The following IL2RA variants were observed in gnomAD, a reference collection of about 807,000 sequenced individuals.
The protein encoded by IL2RA is interleukin-2 receptor subunit alpha.
In IL2RA, 24 loss-of-function variants were observed where a neutral mutation model predicts 37.8. The ratio of observed to expected loss-of-function variants is 0.63; its 90% CI spans 0.46 to 0.89. The LOEUF is 0.89. IL2RA is among the 40% of genes least tolerant of loss of function. The pLI, the probability that IL2RA is intolerant of heterozygous loss-of-function variation, is 0.00. For missense variants in IL2RA, 319 were observed against 348.6 expected (o/e 0.92, Z 0.68); for synonymous variants, 125 against 114.6 (o/e 1.09, Z -0.58).
Position 6,035,324 on chromosome 10 carries a change from C to A in IL2RA, c.65-9299G>T, listed in dbSNP as rs556128003. 6.6e-6 allele frequency among the ~76,000 whole-genome samples: 1 copy of A among 152,314 alleles called. No individual in the cohort carries two copies. The highest frequency in any genetic ancestry group is 2.4e-5 in the African/African-American group (1 of 41,582). On this transcript the variant is annotated intron_variant, in intron 1 of 7. Transcript: ENST00000379959. This position sits in a 1 kb window ranked among gnomAD's most constrained non-coding sequence, Gnocchi z 5.4. ...GGCAGGGATGGAGAGTGAGGGCCTG[C>A]CTTCATGGCAGTAGGCTCTGAGTGG...
In IL2RA at chr10:6,048,147, G is replaced by A. The variant is rs900466044; in HGVS notation, c.64+13941C>T. Among the ~76,000 whole-genome samples, 10 of 152,226 alleles carry A rather than the reference G, an allele frequency of 6.6e-5. No homozygotes were observed. The highest frequency in any genetic ancestry group is 3.8e-4 in the East Asian group (2 of 5,206). On this transcript the variant is annotated intron_variant, in intron 1 of 7. Transcript: ENST00000379959. This position sits in a 1 kb window ranked among gnomAD's most constrained non-coding sequence, Gnocchi z 5.3. ...CCTCAACTGCCCTTGTCATGTGCCCGTCATGCATCACAGGAAGGCTGTCAT... is the reference window on the plus strand; with the variant it reads ...CCTCAACTGCCCTTGTCATGTGCCCATCATGCATCACAGGAAGGCTGTCAT...
intron 1 of IL2RA, among the ~76,000 whole-genome samples, chr10:6,037,232 G>A (rs1358759737): frequency 6.6e-6 from 1 of 152,146 alleles, no homozygotes; most frequent in Non-Finnish European, 1.5e-5. Context: ...AACGTTTGTC[G>A]GTTGAGTAAC....
chr10:6,059,820 C>T (rs1840096989), intron 1 of IL2RA, among the ~76,000 whole-genome samples: 1 of 152,124 alleles, frequency 6.6e-6, no homozygotes, highest in Non-Finnish European at 1.5e-5. Context: ...TCTGATAGCC[C>T]AACGCTCCGT....
chr10:6,051,221 C>T (rs571011908), intron 1 of IL2RA, among the ~76,000 whole-genome samples: 3 of 152,276 alleles, frequency 2.0e-5, no homozygotes, highest in Non-Finnish European at 2.9e-5. Flanking sequence ...GCAGGCTCTG[C>T]CTGGTTTCAT....
Position 6,024,254 on chromosome 10 carries a change from C to T in IL2RA, c.357G>A (p.Ala119=), listed in dbSNP as rs150164762. The part of the protein sequence containing the change: ...MQSPMQPVDQ[A]SLPGHCREPP... ...AGATTCATCTCTCACCTGGAAGGCTCGCTTGGTCCACTGGCTGCATTGGAC... is the reference window on the plus strand; with the variant it reads ...AGATTCATCTCTCACCTGGAAGGCTTGCTTGGTCCACTGGCTGCATTGGAC... Residue 119 remains alanine (A), a synonymous_variant, in exon 3 of 8, where the codon GCG becomes GCA. Transcript: ENST00000379959. The T allele has an allele frequency of 6.7e-5, 108 of 1,611,620 alleles. No homozygotes were observed. In the African/African-American group the frequency reaches 1.2e-3, roughly 18 times the overall value.
At position 6,057,954 on chromosome 10, in the gene IL2RA, C is replaced by T. The variant is rs186494994; in HGVS notation, c.64+4134G>A. ...CAGCCTGGCCAACTTGGTGAAACCCCGTCTCTACTAAAAATACAAAAATTA... is the reference window on the plus strand; with the variant it reads ...CAGCCTGGCCAACTTGGTGAAACCCTGTCTCTACTAAAAATACAAAAATTA... On this transcript the variant is annotated intron_variant, in intron 1 of 7. Coordinates refer to ENST00000379959, the MANE Select transcript of IL2RA (RefSeq NM_000417.3). The surrounding 1 kb of genome is among the most constrained non-coding windows in gnomAD (Gnocchi z 4.8). 2.0e-5 allele frequency among the ~76,000 whole-genome samples: 3 copies of T among 152,036 alleles called. No homozygotes were observed. The highest frequency in any genetic ancestry group is 4.4e-5 in the Non-Finnish European group (3 of 68,006).
chr10:6,043,096 G>T (rs1055591379), intron 1 of IL2RA, among the ~76,000 whole-genome samples: 3 of 152,096 alleles, frequency 2.0e-5, no homozygotes, highest in African/African-American at 7.2e-5. Context: ...GGAAAAATCA[G>T]ATACAATCTA....
intron 1 of IL2RA, among the ~76,000 whole-genome samples, chr10:6,059,978 A>G (rs1840099549): frequency 6.6e-6 from 1 of 152,102 alleles, no homozygotes; most frequent in South Asian, 2.1e-4. Context: ...GGGTATGGAT[A>G]GATGTTGAGA....
intron 7 of IL2RA, 73 bp downstream of exon 7, chr10:6,017,979 AG>A (rs1209372254): frequency 1.3e-5 from 14 of 1,051,714 alleles, no homozygotes; most frequent in South Asian, 2.7e-5. Context: ...TGGAGGGGGT[AG>A]GGGGGAGGCA....
chr10:6,026,102 T>A (rs1200319326), intron 1 of IL2RA, 77 bp from the exon 2 acceptor site: 3 of 1,400,572 alleles, frequency 2.1e-6, no homozygotes, highest in Non-Finnish European at 2.0e-6. Context: ...TATAATGACT[T>A]AATCACATAT....
rs776680112 is a variant in IL2RA at position 6,025,807 on chromosome 10, C to T, written c.256+27G>A. On this transcript the variant is annotated intron_variant, in intron 2 of 7. Coordinates refer to ENST00000379959, the MANE Select transcript of IL2RA (RefSeq NM_000417.3). The surrounding 1 kb of genome is among the most constrained non-coding windows in gnomAD (Gnocchi z 4.4). ...CACTCTTTGCTGCAGTTCTTTTGTT[C>T]TTGGTAGTCACAGAAGGGACACTTA... The T allele has an allele frequency of 6.2e-7, 1 of 1,610,224 alleles. No homozygotes were observed. Among genetic ancestry groups the T allele is most frequent in the Non-Finnish European group, 8.5e-7 (1 of 1,176,580 alleles).
rs867518079 is a variant in IL2RA, at chr10:6,059,874, T to C, written c.64+2214A>G. On this transcript the variant is annotated intron_variant, in intron 1 of 7. Coordinates refer to ENST00000379959, the MANE Select transcript of IL2RA (RefSeq NM_000417.3). ...ACTGGTATTACTATATTTATATCTA[T>C]GTTTTTCTCCTCCTCACCAGGTTAT... Among the ~76,000 whole-genome samples, 14 of 152,334 alleles carry C rather than the reference T, an allele frequency of 9.2e-5. 1 individual carries two copies. The highest frequency in any genetic ancestry group is 3.4e-3 in the Middle Eastern group (1 of 294).
Position 6,019,365 on chromosome 10 carries a change from A to AAC in IL2RA, c.727+62_727+63insGT, listed in dbSNP as rs1839339987. On this transcript the variant is annotated intron_variant, in intron 6 of 7. Coordinates refer to ENST00000379959, the MANE Select transcript of IL2RA (RefSeq NM_000417.3). Reference sequence around the variant, plus strand: ...CAACCAACTAACCAACCTACTAACCAGTCAACCTGTCCATATCTCAGCCTG... The same window carrying AAC: ...CAACCAACTAACCAACCTACTAACCAACGTCAACCTGTCCATATCTCAGCCTG... 11 of 1,261,492 alleles carry AAC rather than the reference A, an allele frequency of 8.7e-6. No individual in the cohort carries two copies. The East Asian group carries it at 2.5e-4, about 29-fold the overall frequency. 78.1% of individuals were successfully genotyped at this position (1,261,492 alleles called of 1,614,324 possible).
rs1399530018 is a variant in IL2RA, at chr10:6,046,469, T to C, written c.64+15619A>G. Among the ~76,000 whole-genome samples, 3 of 152,186 alleles carry C rather than the reference T, an allele frequency of 2.0e-5. No homozygotes were observed. Among genetic ancestry groups the C allele is most frequent in the Admixed American group, 2.0e-4 (3 of 15,280 alleles). ...GACATTTCAGGCACTGTGGGATTGA[T>C]GGAGTGGACAGCATAGAGCAGAGAG... On this transcript the variant is annotated intron_variant, in intron 1 of 7. Transcript: ENST00000379959. This position sits in a 1 kb window ranked among gnomAD's most constrained non-coding sequence, Gnocchi z 4.8.
rs372125213 is a variant in IL2RA, at chr10:6,025,999, T to G, written c.91A>C (p.Ile31Leu). Residue 31 changes from isoleucine to leucine, a missense_variant, in exon 2 of 8, where the codon ATC (isoleucine) becomes CTC (leucine). Coordinates refer to ENST00000379959, the MANE Select transcript of IL2RA (RefSeq NM_000417.3). This position sits in a 1 kb window ranked among gnomAD's most constrained non-coding sequence, Gnocchi z 4.4. ...AELCDDDPPE[I>L]PHATFKAMAY... ...ATGGCTTTGAATGTGGCGTGTGGGA[T>G]CTCTGGCGGGTCATCGTCACAGAGC... 6 of 1,613,344 alleles carry G rather than the reference T, an allele frequency of 3.7e-6. No homozygotes were observed. The highest frequency in any genetic ancestry group is 5.1e-6 in the Non-Finnish European group (6 of 1,180,034).
In IL2RA at chr10:6,021,734, A is replaced by G. The variant is rs757007076; in HGVS notation, c.368-41T>C. The G allele has an allele frequency of 1.3e-6, 2 of 1,562,508 alleles. No individual in the cohort carries two copies. Among genetic ancestry groups the G allele is most frequent in the Non-Finnish European group, 1.8e-6 (2 of 1,134,006 alleles). The stretch of plus-strand genomic sequence containing the variant: ...AATGCTCTGAAGGCAAGTTGGGGAC[A>G]GCACCGCGAGTGAGTCCAGGTTGCC... On this transcript the variant is annotated intron_variant, in intron 3 of 7. Transcript: ENST00000379959. This position sits in a 1 kb window ranked among gnomAD's most constrained non-coding sequence, Gnocchi z 4.9.
In IL2RA at chr10:6,019,863, C is replaced by T. The variant is rs1839353497; in HGVS notation, c.655+7G>A. 3 of 1,613,842 alleles carry T rather than the reference C, an allele frequency of 1.9e-6. No homozygotes were observed. Among genetic ancestry groups the T allele is most frequent in the South Asian group, 1.1e-5 (1 of 91,082 alleles). On this transcript the variant is annotated splice_region_variant and intron_variant, in intron 5 of 7. Coordinates refer to ENST00000379959, the MANE Select transcript of IL2RA (RefSeq NM_000417.3). ...CTCTGTGGTCCAGCGTTTGTCTTCT[C>T]CCGCACCTGTTGTTGTGACGAGGCA...
chr10:6,036,931 C>A lies in IL2RA; in HGVS notation c.65-10906G>T, dbSNP rs1839693488. ...TCTTGCAGACTGGGATTTGTCAGGG[C>A]AGGTGTGGACATTGAGGCTATTTCT... On this transcript the variant is annotated intron_variant, in intron 1 of 7. Coordinates refer to ENST00000379959, the MANE Select transcript of IL2RA (RefSeq NM_000417.3). The surrounding 1 kb of genome is among the most constrained non-coding windows in gnomAD (Gnocchi z 6.1). 6.6e-6 allele frequency among the ~76,000 whole-genome samples: 1 copy of A among 152,166 alleles called. No individual in the cohort carries two copies. The highest frequency in any genetic ancestry group is 2.4e-5 in the African/African-American group (1 of 41,524).
rs372484011 is a variant in IL2RA, at chr10:6,018,754, C to A, written c.728-635G>T. 2.1e-3 allele frequency among the ~76,000 whole-genome samples: 325 copies of A among 152,250 alleles called. 1 individual carries two copies. The highest frequency in any genetic ancestry group is 7.6e-3 in the African/African-American group (314 of 41,548). On this transcript the variant is annotated intron_variant, in intron 6 of 7. Transcript: ENST00000379959. This position sits in a 1 kb window ranked among gnomAD's most constrained non-coding sequence, Gnocchi z 5.1. ...CACAGCATCCTGTAACTGGTTCATG[C>A]GAATTCTGAGTTACGTCAGTATCTG...
Sources: allele counts gnomAD v4.1 joint callset (sites outside exome capture counted in the v4.1 genomes callset), GRCh38; gene constraint gnomAD v4.1.1; non-coding constraint Gnocchi (gnomAD v3.1); transcripts MANE v1.5; gene names NCBI Gene and HGNC (gene_info 2026-07-23, HGNC 2026-07-21).